The following SPO11 variants were observed in gnomAD, a reference collection of about 807,000 sequenced individuals.
SPO11 encodes meiotic recombination protein SPO11.
A neutral mutation model predicts 51.6 loss-of-function variants in SPO11; 49 were observed. That is an observed-to-expected ratio of 0.95 (90% confidence interval 0.75 to 1.20). SPO11 has a LOEUF of 1.20. SPO11 is among the 50% of genes most tolerant of loss of function. The probability of loss-of-function intolerance (pLI) is 0.00; values close to 1 mark genes in which losing one functional copy is unlikely to be tolerated. For synonymous variants in SPO11, 176 were observed against 158.2 expected (o/e 1.11, Z -0.84); for missense variants, 431 against 473.4 (o/e 0.91, Z 0.83).
rs2066563933 is a variant in SPO11, at chr20:57,340,179, GT to G, written c.959+3del. 6.3e-7 allele frequency: 1 copy of G among 1,587,198 alleles called. No individual in the cohort carries two copies. The highest frequency in any genetic ancestry group is 8.7e-7 in the Non-Finnish European group (1 of 1,155,676). ...GTCTTCTCCCTTCTGATCTTAAAAGGTTAGATAGTATAGCAGAACTAGGATA... is the reference window on the plus strand; with the variant it reads ...GTCTTCTCCCTTCTGATCTTAAAAGGTAGATAGTATAGCAGAACTAGGATA... On this transcript the variant is annotated splice_donor_variant, in intron 11 of 12. Coordinates refer to ENST00000371263, the MANE Select transcript of SPO11 (RefSeq NM_012444.3). LOFTEE classifies it high-confidence loss of function.
At chr20:57,343,224 C>G (rs1038267477) in intron 12 of SPO11, 117 bp from the exon 13 acceptor site, 2 of 1,240,408 alleles carry the variant, frequency 1.6e-6, no homozygotes, top group Non-Finnish European at 2.3e-6. Flanking sequence ...CTGGCTGACC[C>G]TTAAGACTAT....
Position 57,338,325 on chromosome 20 carries a change from G to T in SPO11, c.794G>T (p.Trp265Leu). The change falls in exon 9 of 13, where the codon TGG becomes TTG. Residue 265 changes from tryptophan (W) to leucine (L), a missense_variant. Transcript: ENST00000371263. ...LNTRLLVKKL[W>L]DTFHVPVFTL... ...ACAAGACTTTTAGTCAAGAAACTGT[G>T]GGATACATTTCATGTTCCTGTTTTC... 1 of 1,613,856 alleles carries T rather than the reference G, an allele frequency of 6.2e-7. No homozygotes were observed. Among genetic ancestry groups the T allele is most frequent in the Non-Finnish European group, 8.5e-7 (1 of 1,179,914 alleles).
At chr20:57,335,730 C>A in intron 7 of SPO11, 68 bp from the exon 8 acceptor site, 4 of 953,698 alleles carry the variant, frequency 4.2e-6, no homozygotes, top group Non-Finnish European at 6.6e-6. Flanking sequence ...ATCTATATGG[C>A]ACCTTAATTT....
chr20:57,334,710 T>A (rs773131509), intron 5 of SPO11, 40 bp from the exon 6 acceptor site: 7 of 1,526,946 alleles, frequency 4.6e-6, no homozygotes, highest in Non-Finnish European at 6.3e-6. Flanking sequence ...TAAAACATAT[T>A]CGTGAAGCAG....
At chr20:57,336,299 T>C (rs2066512596) in intron 8 of SPO11, among the ~76,000 whole-genome samples, 2 of 152,214 alleles carry the variant, frequency 1.3e-5, no homozygotes, top group Non-Finnish European at 2.9e-5. Context: ...CAGAGTCAGT[T>C]TGACTTACTC....
chr20:57,332,382 T>C (rs1351314063), intron 2 of SPO11, among the ~76,000 whole-genome samples: 1 of 152,162 alleles, frequency 6.6e-6, no homozygotes, highest in East Asian at 1.9e-4. Context: ...ATCCTGAACA[T>C]AGAGCACATT....
intron 8 of SPO11, among the ~76,000 whole-genome samples, 180 bp from the exon 9 acceptor site, chr20:57,338,096 A>C (rs1282449505): frequency 6.6e-6 from 1 of 152,140 alleles, no homozygotes; most frequent in Non-Finnish European, 1.5e-5. Context: ...CACGTTGGCC[A>C]GACTGGTCTC....
At chr20:57,334,297 G>A (rs996338517) in intron 5 of SPO11, among the ~76,000 whole-genome samples, 2 of 151,936 alleles carry the variant, frequency 1.3e-5, no homozygotes, top group African/African-American at 4.8e-5. Context: ...TGGGACTACA[G>A]GCGCCTGCCA....
At chr20:57,339,123 A>G in intron 10 of SPO11, 97 bp downstream of exon 10, 1 of 777,832 alleles carries the variant, frequency 1.3e-6, no homozygotes. Context: ...AAGCAGGCTG[A>G]GAGTGCCCAA....
intron 8 of SPO11, chr20:57,337,626 A>G: frequency 1.6e-6 from 1 of 623,132 alleles, no homozygotes; most frequent in Non-Finnish European, 2.5e-6. Flanking sequence ...AATATGTAGG[A>G]TGTTTATTAT....
chr20:57,331,718 G>A (rs140422206), intron 1 of SPO11, 115 bp from the exon 2 acceptor site: 1 of 516,030 alleles, frequency 1.9e-6, no homozygotes, highest in Non-Finnish European at 3.4e-6. Flanking sequence ...CAATTACCTA[G>A]TCTTAAAAAA....
intron 11 of SPO11, among the ~76,000 whole-genome samples, chr20:57,340,658 C>T (rs927915611): frequency 4.0e-5 from 6 of 151,784 alleles, no homozygotes; most frequent in Non-Finnish European, 8.8e-5. Flanking sequence ...TCCCAGCTAC[C>T]GGGAAGGCTG....
chr20:57,343,206 G>A, intron 12 of SPO11, 135 bp from the exon 13 acceptor site: 1 of 967,728 alleles, frequency 1.0e-6, no homozygotes, highest in Non-Finnish European at 1.5e-6. Context: ...TAGCAGCTCT[G>A]GAATATTCTG....
intron 2 of SPO11, among the ~76,000 whole-genome samples, chr20:57,332,795 T>C (rs1287762943): frequency 1.3e-5 from 2 of 152,238 alleles, no homozygotes; most frequent in East Asian, 3.8e-4. Context: ...TCAAAGCTTA[T>C]TAAATTGAGT....
chr20:57,334,705 C>G (rs1265198379), intron 5 of SPO11, 45 bp from the exon 6 acceptor site: 1 of 1,503,204 alleles, frequency 6.7e-7, no homozygotes. Context: ...TAGCATAAAA[C>G]ATATTCGTGA....
intron 10 of SPO11, among the ~76,000 whole-genome samples, chr20:57,339,448 C>T (rs1396617973): frequency 6.6e-6 from 1 of 152,122 alleles, no homozygotes; most frequent in Non-Finnish European, 1.5e-5. Context: ...CTACAATTAC[C>T]ATATACCAGT....
chr20:57,329,944 C>T lies in SPO11; in HGVS notation c.77C>T (p.Ala26Val). The T allele has an allele frequency of 6.2e-7, 1 of 1,613,202 alleles. No homozygotes were observed. The highest frequency in any genetic ancestry group is 8.5e-7 in the Non-Finnish European group (1 of 1,179,808). The change falls in exon 1 of 13, where the codon GCC becomes GTC. Residue 26 changes from alanine to valine, a missense_variant. Ala to Val is a moderately conservative substitution (Grantham distance 64). Transcript: ENST00000371263. ...LDRHRESLLAALRRGGREPPT... is the reference protein window; with the variant it reads ...LDRHRESLLAVLRRGGREPPT... Reference sequence around the variant, plus strand: ...CGACACAGGGAGTCCCTGCTGGCTGCCCTGAGGAGAGGTGGCAGGGAGCCC... The same window carrying T: ...CGACACAGGGAGTCCCTGCTGGCTGTCCTGAGGAGAGGTGGCAGGGAGCCC...
At chr20:57,340,513 C>T (rs1368050068) in intron 11 of SPO11, among the ~76,000 whole-genome samples, 1 of 152,182 alleles carries the variant, frequency 6.6e-6, no homozygotes, top group African/African-American at 2.4e-5. Flanking sequence ...CCTGTAATCC[C>T]AGCACTTTGG....
Position 57,338,365 on chromosome 20 carries a change from T to G in SPO11, c.834T>G (p.Ala278=). Residue 278 remains alanine (A), a synonymous_variant, in exon 9 of 13, where the codon GCT becomes GCG. Transcript: ENST00000371263. ...TTCCTGTTTTCACTCTTGTAGATGC[T>G]GATCCACATGGTAATTTATCACTGG... The part of the protein sequence containing the change: ...FHVPVFTLVD[A]DPHGIEIMCI... 6.2e-7 allele frequency: 1 copy of G among 1,603,608 alleles called. No individual in the cohort carries two copies.
Sources: gnomAD v4.1 joint callset for allele counts (sites outside exome capture counted in the v4.1 genomes callset) on GRCh38, gnomAD v4.1.1 for gene constraint, MANE v1.5 for transcripts, NCBI Gene and HGNC (gene_info 2026-07-23, HGNC 2026-07-21) for gene names.